The following CACNA2D3 variants were observed in gnomAD, a reference collection of about 807,000 sequenced individuals.
CACNA2D3 encodes the protein calcium voltage-gated channel auxiliary subunit alpha2delta 3, also known as voltage-dependent calcium channel subunit alpha-2/delta-3.
Under a neutral mutation model 160.6 loss-of-function variants are expected in CACNA2D3, and 60 were observed. That is an observed-to-expected ratio of 0.37 (90% CI 0.30 to 0.46). CACNA2D3 has a LOEUF of 0.46. CACNA2D3 is among the 20% of genes least tolerant of loss of function. The pLI, the probability that CACNA2D3 is intolerant of heterozygous loss-of-function variation, is 1.00. For missense variants in CACNA2D3, 1,205 were observed against 1,365.0 expected (o/e 0.88, Z 1.85); for synonymous variants, 558 against 492.9 (o/e 1.13, Z -1.75).
intron 18 of CACNA2D3, among the ~76,000 whole-genome samples, chr3:54,872,894 A>G (rs902531900): frequency 3.9e-5 from 6 of 152,052 alleles, no homozygotes; most frequent in African/African-American, 1.4e-4. Context: ...CTTATTCCTT[A>G]AACACTGTCA....
intron 2 of CACNA2D3, among the ~76,000 whole-genome samples, chr3:54,216,592 A>C (rs767787270): frequency 6.6e-6 from 1 of 152,232 alleles, no homozygotes; most frequent in Non-Finnish European, 1.5e-5. Context: ...AGGAAAAAGC[A>C]TTTCACAGAA....
intron 4 of CACNA2D3, among the ~76,000 whole-genome samples, chr3:54,434,154 T>TGAC (rs1700028695): frequency 6.6e-6 from 1 of 152,170 alleles, no homozygotes; most frequent in South Asian, 2.1e-4. Flanking sequence ...TGGGGGCCAC[T>TGAC]AGTGAAACGA....
At chr3:54,976,056 T>TACACACACAC (rs3841944) in intron 29 of CACNA2D3, among the ~76,000 whole-genome samples, 33 of 145,062 alleles carry the variant, frequency 2.3e-4, no homozygotes, top group African/African-American at 7.2e-4. Context: ...TAGATATAGA[T>TACACACACAC]ACACACACAC....
At chr3:54,802,298 G>A (rs1004303044) in intron 13 of CACNA2D3, among the ~76,000 whole-genome samples, 2 of 152,100 alleles carry the variant, frequency 1.3e-5, no homozygotes, top group African/African-American at 4.8e-5. Flanking sequence ...GCTGGGGTAG[G>A]GAGGGGAGAA....
chr3:54,782,617 T>A (rs2107132241), intron 13 of CACNA2D3, among the ~76,000 whole-genome samples: 1 of 152,178 alleles, frequency 6.6e-6, no homozygotes, highest in East Asian at 1.9e-4. Flanking sequence ...AGAGTCATCT[T>A]CACTCTTTGC....
chr3:55,011,817 A>T (rs1015426589), intron 34 of CACNA2D3, among the ~76,000 whole-genome samples: 19 of 152,188 alleles, frequency 1.2e-4, no homozygotes, highest in African/African-American at 4.3e-4. Flanking sequence ...ACATGATTTG[A>T]AAAAAGAAAG....
chr3:55,026,013 C>T (rs1220096250), intron 35 of CACNA2D3, among the ~76,000 whole-genome samples: 1 of 151,892 alleles, frequency 6.6e-6, no homozygotes, highest in East Asian at 1.9e-4. Flanking sequence ...AAGTTTGCAG[C>T]TTGATTAATT....
chr3:54,584,862 A>G (rs976198696), intron 9 of CACNA2D3, among the ~76,000 whole-genome samples: 2 of 152,232 alleles, frequency 1.3e-5, no homozygotes, highest in Non-Finnish European at 2.9e-5. Flanking sequence ...AGTAAGTAGC[A>G]TAGCATTTTT....
intron 27 of CACNA2D3, among the ~76,000 whole-genome samples, chr3:54,938,541 T>C (rs1701384449): frequency 6.6e-6 from 1 of 152,060 alleles, no homozygotes; most frequent in African/African-American, 2.4e-5. Context: ...AAGTATATAA[T>C]ACAAAGCCAA....
At chr3:54,350,681 T>C (rs191056117) in intron 3 of CACNA2D3, among the ~76,000 whole-genome samples, 1 of 152,346 alleles carries the variant, frequency 6.6e-6, no homozygotes, top group African/African-American at 2.4e-5. Context: ...CATTGTATCC[T>C]CTTGCTCACA....
intron 12 of CACNA2D3, among the ~76,000 whole-genome samples, chr3:54,757,577 T>G (rs1701997522): frequency 6.6e-6 from 1 of 152,204 alleles, no homozygotes; most frequent in Non-Finnish European, 1.5e-5. Context: ...GCTATTTAAA[T>G]ACCTTTTTGT....
chr3:54,166,514 C>T (rs1223476954), intron 2 of CACNA2D3, among the ~76,000 whole-genome samples: 1 of 151,836 alleles, frequency 6.6e-6, no homozygotes, highest in Non-Finnish European at 1.5e-5. Flanking sequence ...GTTTGTTGCC[C>T]CCTTTTTGTT....
chr3:54,749,248 C>T lies in CACNA2D3; in HGVS notation c.1168-3351C>T, dbSNP rs575577043. On this transcript the variant is annotated intron_variant, in intron 11 of 37. Coordinates refer to ENST00000474759, the MANE Select transcript of CACNA2D3 (RefSeq NM_018398.3). ...CCCACAACTTGCTTTTTACCTTTAC[C>T]AGTACATCATGGATGAGGACATAGC... is the stretch of plus-strand genomic sequence containing the variant. Among the ~76,000 whole-genome samples the T allele has an allele frequency of 3.3e-5, 5 of 152,204 alleles. No individual in the cohort carries two copies. The South Asian group carries it at 1.0e-3, about 32-fold the overall frequency.
intron 2 of CACNA2D3, among the ~76,000 whole-genome samples, chr3:54,240,867 G>C (rs904360076): frequency 1.3e-5 from 2 of 151,846 alleles, no homozygotes; most frequent in East Asian, 1.9e-4. Context: ...TCAGCCTTCC[G>C]AGTAGCTGGG....
chr3:54,483,540 T>G (rs1461733086), intron 4 of CACNA2D3, among the ~76,000 whole-genome samples: 1 of 152,244 alleles, frequency 6.6e-6, no homozygotes, highest in Non-Finnish European at 1.5e-5. Context: ...AAATGAAGTG[T>G]CAAGGCACTA....
At chr3:54,643,283 A>G (rs1469714096) in intron 11 of CACNA2D3, among the ~76,000 whole-genome samples, 1 of 152,228 alleles carries the variant, frequency 6.6e-6, no homozygotes, top group Admixed American at 6.5e-5. Flanking sequence ...TACTCTGAAC[A>G]TGAGATGGGA....
At chr3:54,464,213 G>A (rs542858913) in intron 4 of CACNA2D3, among the ~76,000 whole-genome samples, 3 of 152,176 alleles carry the variant, frequency 2.0e-5, no homozygotes, top group Admixed American at 1.3e-4. Context: ...GGCTGCTTGG[G>A]GGTCAGGGGT....
Position 54,925,433 on chromosome 3 carries a change from C to T in CACNA2D3, c.2449+25565C>T, listed in dbSNP as rs116234922. ...CTTCTGCAGTCTTTGTGCCACCTAT[C>T]GTCTGAAGCCTTGAGAAAGATACTC... On this transcript the variant is annotated intron_variant, in intron 27 of 37. Coordinates refer to ENST00000474759, the MANE Select transcript of CACNA2D3 (RefSeq NM_018398.3). Among the ~76,000 whole-genome samples the T allele has an allele frequency of 2.8e-3, 427 of 152,212 alleles. 2 individuals carry two copies. The highest frequency in any genetic ancestry group is 9.9e-3 in the African/African-American group (409 of 41,516).
chr3:54,904,662 A>G (rs1023624232), intron 27 of CACNA2D3, among the ~76,000 whole-genome samples: 6 of 152,174 alleles, frequency 3.9e-5, no homozygotes, highest in African/African-American at 1.4e-4. Flanking sequence ...TTATCTTTTT[A>G]TTCCCAGTGC....
Sources: allele counts gnomAD v4.1 joint callset (sites outside exome capture counted in the v4.1 genomes callset), GRCh38; gene constraint gnomAD v4.1.1; transcripts MANE v1.5; gene names NCBI Gene and HGNC (gene_info 2026-07-23, HGNC 2026-07-21).